C3orf49: variants seen among roughly 807,000 people sequenced by gnomAD.
The protein encoded by C3orf49 is putative uncharacterized protein C3orf49.
Under a neutral mutation model 13.3 loss-of-function variants are expected in C3orf49, and 27 were observed. That is an observed-to-expected ratio of 2.02 (90% CI 1.49 to 2.79). The LOEUF is 2.79. C3orf49 is among the 30% of genes most tolerant of loss of function. The probability of loss-of-function intolerance (pLI) is 0.00; values close to 1 mark genes in which losing one functional copy is unlikely to be tolerated. For missense variants in C3orf49, 242 were observed against 134.2 expected, an observed-to-expected ratio of 1.80 and a Z score of -3.97; for synonymous variants, 87 against 47.6, an observed-to-expected ratio of 1.83 and a Z score of -3.40.
chr3:63,814,172 G>A, the C3orf49 span, among the ~76,000 whole-genome samples: 1 of 152,172 alleles, frequency 6.6e-6, no homozygotes, highest in African/African-American at 2.4e-5. Flanking sequence ...ACCTTTAGGA[G>A]CACTGATGGG....
At chr3:63,781,163 T>G in the C3orf49 span, among the ~76,000 whole-genome samples, 1 of 150,876 alleles carries the variant, frequency 6.6e-6, no homozygotes, top group Admixed American at 6.6e-5. Context: ...AATTAATTTT[T>G]GTATAAGGTG....
chr3:63,781,078 G>C, the C3orf49 span, among the ~76,000 whole-genome samples: 111 of 151,064 alleles, frequency 7.3e-4, no homozygotes, highest in African/African-American at 2.6e-3. Context: ...CCTATGTCCT[G>C]AATGGTAATG....
the C3orf49 span, among the ~76,000 whole-genome samples, chr3:63,786,706 C>T: frequency 7.2e-5 from 11 of 152,160 alleles, no homozygotes; most frequent in Non-Finnish European, 1.0e-4. Flanking sequence ...GCTTCAAACA[C>T]GTTGTCTTTT....
the C3orf49 span, among the ~76,000 whole-genome samples, chr3:63,794,435 C>T: frequency 4.6e-5 from 7 of 152,084 alleles, no homozygotes; most frequent in Admixed American, 3.3e-4. Context: ...TAATATTTCT[C>T]ATCATTCCAA....
chr3:63,823,902 G>C (rs1289180094), intron 2 of C3orf49, among the ~76,000 whole-genome samples: 1 of 151,772 alleles, frequency 6.6e-6, no homozygotes, highest in African/African-American at 2.4e-5. Flanking sequence ...CCGGGTTCAA[G>C]CAATTTTCCT....
intron 5 of C3orf49, chr3:63,837,936 T>C: frequency 6.4e-7 from 1 of 1,555,610 alleles, no homozygotes; most frequent in Non-Finnish European, 8.8e-7. Flanking sequence ...CTGTAGTCAG[T>C]AATAATGTAT....
the C3orf49 span, among the ~76,000 whole-genome samples, chr3:63,808,771 C>A: frequency 6.6e-6 from 1 of 152,076 alleles, no homozygotes; most frequent in Non-Finnish European, 1.5e-5. Context: ...GGCCTCATAC[C>A]TACCCCTTCA....
the C3orf49 span, among the ~76,000 whole-genome samples, chr3:63,810,387 A>C: frequency 1.3e-5 from 2 of 152,200 alleles, no homozygotes; most frequent in East Asian, 1.9e-4. Flanking sequence ...CTGTATGCTC[A>C]GTACTAAGAA....
the C3orf49 span, chr3:63,779,888 A>G: frequency 6.6e-6 from 1 of 152,182 alleles, no homozygotes; most frequent in Non-Finnish European, 1.5e-5. Flanking sequence ...CCCCCAGGTT[A>G]TCTTCATCTG....
the C3orf49 span, among the ~76,000 whole-genome samples, chr3:63,787,535 C>A: frequency 6.6e-6 from 1 of 152,032 alleles, no homozygotes; most frequent in African/African-American, 2.4e-5. Context: ...AATTCAATAC[C>A]CTTTTTTAAA....
At chr3:63,799,774 T>G in the C3orf49 span, among the ~76,000 whole-genome samples, 35 of 152,252 alleles carry the variant, frequency 2.3e-4, 1 homozygote, top group Admixed American at 1.4e-3. Context: ...GCAGAAATGT[T>G]AAGTGATTTG....
At chr3:63,826,788 A>T (rs1412916174) in intron 2 of C3orf49, 1 of 152,140 alleles carries the variant, frequency 6.6e-6, no homozygotes, top group East Asian at 1.9e-4. Context: ...AAAATGTCTC[A>T]TTTAGTGACC....
the C3orf49 span, among the ~76,000 whole-genome samples, chr3:63,794,172 T>TAC: frequency 0.052 from 7,422 of 142,640 alleles, 179 homozygotes; most frequent in African/African-American, 0.064. Flanking sequence ...TACACACACA[T>TAC]ACACACACAC....
At chr3:63,812,189 C>G in the C3orf49 span, among the ~76,000 whole-genome samples, 4 of 152,128 alleles carry the variant, frequency 2.6e-5, no homozygotes, top group Non-Finnish European at 5.9e-5. Flanking sequence ...CCAGGGTTGT[C>G]CAATCTTTTG....
chr3:63,834,282 C>T, intron 5 of C3orf49: 1 of 1,329,354 alleles, frequency 7.5e-7, no homozygotes, highest in Non-Finnish European at 1.1e-6. Context: ...CATGTTTATC[C>T]TTTATTAGCC....
chr3:63,804,216 T>C, the C3orf49 span, among the ~76,000 whole-genome samples: 15 of 152,116 alleles, frequency 9.9e-5, no homozygotes, highest in African/African-American at 3.4e-4. Flanking sequence ...TGATACTGGT[T>C]TGTGGCCTGG....
chr3:63,822,714 C>T (rs1408301744), intron 1 of C3orf49, among the ~76,000 whole-genome samples: 3 of 152,148 alleles, frequency 2.0e-5, no homozygotes, highest in Admixed American at 1.3e-4. Context: ...TATGAGTTTA[C>T]AGTATGTTAT....
intron 4 of C3orf49, 40 bp downstream of exon 4, chr3:63,831,263 A>G: frequency 1.4e-6 from 1 of 693,864 alleles, no homozygotes; most frequent in South Asian, 1.5e-5. Flanking sequence ...TCTCAGAAGC[A>G]TCAGAGAGCC....
the C3orf49 span, among the ~76,000 whole-genome samples, chr3:63,780,797 A>C: frequency 3.3e-5 from 5 of 152,248 alleles, no homozygotes; most frequent in South Asian, 8.3e-4. Flanking sequence ...CTTTTGAGAA[A>C]TGTATGTTCA....
Sources: gnomAD v4.1 joint callset for allele counts (sites outside exome capture counted in the v4.1 genomes callset) on GRCh38, gnomAD v4.1.1 for gene constraint, MANE v1.5 for transcripts, NCBI Gene and HGNC (gene_info 2026-07-23, HGNC 2026-07-21) for gene names.